Variants in XRCC3 observed in about 807,000 individuals in gnomAD.
The protein encoded by XRCC3 is DNA repair protein XRCC3.
A neutral mutation model predicts 29.2 loss-of-function variants in XRCC3; 34 were observed. The observed-to-expected ratio is 1.16, with a 90% confidence interval of 0.88 to 1.55. XRCC3 has a LOEUF of 1.55. Ranked by LOEUF, XRCC3 falls within the 40% of genes most tolerant of loss-of-function variation. The pLI, the probability that XRCC3 is intolerant of heterozygous loss-of-function variation, is 0.00. For synonymous variants in XRCC3, 223 were observed against 211.3 expected (o/e 1.06, Z -0.48); for missense variants, 463 against 467.6 (o/e 0.99, Z 0.09).
intron 7 of XRCC3, chr14:103,701,227 A>G (rs861536): frequency 0.34 from 528,947 of 1,544,776 alleles, 95,476 homozygotes; most frequent in Middle Eastern, 0.38. Context: ...CCGCTCCAGG[A>G]TGGGACTGCC....
rs539979538 is a variant in XRCC3, at chr14:103,704,013, C to G, written c.407-686G>C. The G allele has an allele frequency of 1.4e-4, 21 of 155,424 alleles. No homozygotes were observed. In the South Asian group the frequency reaches 3.7e-3, roughly 28 times the overall value. 9.6% of individuals were successfully genotyped at this position (155,424 alleles called of 1,614,324 possible). On this transcript the variant is annotated intron_variant, in intron 6 of 9. Coordinates refer to ENST00000555055, the MANE Select transcript of XRCC3 (RefSeq NM_005432.4). ...GATACCCAAGAGAAAGAACGTCCAC[C>G]GTAGCACGTTTCATGACAGCCCGGG...
intron 6 of XRCC3, chr14:103,706,654 G>A: frequency 2.5e-6 from 1 of 404,366 alleles, no homozygotes; most frequent in Non-Finnish European, 4.7e-6. Flanking sequence ...AGGCTGTGCT[G>A]CCCTCCCTGC....
At chr14:103,708,133 C>T (rs1444460314) in intron 5 of XRCC3, 1 of 351,830 alleles carries the variant, frequency 2.8e-6, no homozygotes, top group Non-Finnish European at 5.5e-6. Context: ...CCTCCTTCCC[C>T]TGCTGAGACC....
rs890853307 is a variant in XRCC3 at position 103,699,166 on chromosome 14, A to T, written c.788T>A (p.Met263Lys). Residue 263 changes from methionine (M) to lysine (K), a missense_variant, in exon 9 of 10, where the codon ATG becomes AAG. By Grantham distance (95) the Met-to-Lys change is moderately conservative. Coordinates refer to ENST00000555055, the MANE Select transcript of XRCC3 (RefSeq NM_005432.4). ...CCCGTGTGCTGCGCCCTGCTCCTCC[A>T]TGGCCTCTGTCACCTGGAAGAGCAC... ...VLCINQVTEA[M>K]EEQGAAHGPL... 6.4e-7 allele frequency: 1 copy of T among 1,567,808 alleles called. No individual in the cohort carries two copies. Among genetic ancestry groups the T allele is most frequent in the Non-Finnish European group, 8.6e-7 (1 of 1,159,746 alleles).
intron 2 of XRCC3, chr14:103,712,006 C>T: frequency 2.9e-6 from 1 of 345,192 alleles, no homozygotes; most frequent in South Asian, 2.2e-5. Flanking sequence ...GGGCCGTGGA[C>T]TTGGAGAAGG....
At chr14:103,710,712 A>G in intron 4 of XRCC3, 1 of 327,312 alleles carries the variant, frequency 3.1e-6, no homozygotes, top group Non-Finnish European at 5.8e-6. Flanking sequence ...ACTGCACTCA[A>G]GCCTGGGTGA....
intron 6 of XRCC3, chr14:103,704,015 T>G: frequency 6.4e-6 from 1 of 155,306 alleles, no homozygotes; most frequent in Non-Finnish European, 1.4e-5. Context: ...ACGTCCACCG[T>G]AGCACGTTTC....
In XRCC3 at chr14:103,697,749, G is replaced by A. The variant is rs751125257; in HGVS notation, c.*1049C>T. On this transcript the variant is annotated 3_prime_UTR_variant, in exon 10 of 10. Coordinates refer to ENST00000555055, the MANE Select transcript of XRCC3 (RefSeq NM_005432.4). The stretch of plus-strand genomic sequence containing the variant: ...ACCACTGTGCCCATGGGGAGGCCAC[G>A]CCACTCTGCCTGCTGGGTGGATATT... 17 of 152,378 alleles carry A rather than the reference G, an allele frequency of 1.1e-4. No homozygotes were observed. Among genetic ancestry groups the A allele is most frequent in the Admixed American group, 4.6e-4 (7 of 15,298 alleles). 9.4% of individuals were successfully genotyped at this position (152,378 alleles called of 1,614,324 possible).
At chr14:103,700,914 G>C (rs1233112155) in intron 7 of XRCC3, among the ~76,000 whole-genome samples, 1 of 152,230 alleles carries the variant, frequency 6.6e-6, no homozygotes, top group Non-Finnish European at 1.5e-5. Context: ...CACAGAGTGG[G>C]GGGGTGGGAA....
At position 103,698,711 on chromosome 14, in the gene XRCC3, G is replaced by T; in HGVS notation, c.*87C>A. The T allele has an allele frequency of 1.6e-6, 2 of 1,259,740 alleles. No homozygotes were observed. Among genetic ancestry groups the T allele is most frequent in the South Asian group, 1.3e-5 (1 of 77,504 alleles). 78.0% of individuals were successfully genotyped at this position (1,259,740 alleles called of 1,614,324 possible). On this transcript the variant is annotated 3_prime_UTR_variant, in exon 10 of 10. Transcript: ENST00000555055. ...GTGTCTGAACCAGGCTCCCAGCTGT[G>T]CCACGGCCCAGGCAGACGCGTTTTA...
In XRCC3 at chr14:103,707,229, A is replaced by C. The variant is rs1015863369; in HGVS notation, c.194-14T>G. 5 of 1,548,250 alleles carry C rather than the reference A, an allele frequency of 3.2e-6. No homozygotes were observed. The African/African-American group carries it at 6.9e-5, about 21-fold the overall frequency. On this transcript the variant is annotated splice_polypyrimidine_tract_variant and intron_variant, in intron 5 of 9. Coordinates refer to ENST00000555055, the MANE Select transcript of XRCC3 (RefSeq NM_005432.4). ...GCAGCTGCAGTGCTAAAGGGCAGGGATAGTGTCAGGCCTGACTCTCCTGGG... is the reference window on the plus strand; with the variant it reads ...GCAGCTGCAGTGCTAAAGGGCAGGGCTAGTGTCAGGCCTGACTCTCCTGGG...
chr14:103,710,733 C>G (rs542293167), intron 4 of XRCC3: 2 of 355,756 alleles, frequency 5.6e-6, no homozygotes, highest in Admixed American at 4.4e-5. Context: ...CAGAGCGAGA[C>G]CCCGTCTCCA....
intron 5 of XRCC3, chr14:103,707,580 GGGGTGC>G (rs1476470455): frequency 5.0e-6 from 2 of 402,462 alleles, no homozygotes; most frequent in African/African-American, 4.1e-5. Context: ...GGGATGCCCT[GGGGTGC>G]TGAACAGTTC....
chr14:103,706,419 C>T (rs1212796364), intron 6 of XRCC3: 1 of 456,100 alleles, frequency 2.2e-6, no homozygotes, highest in South Asian at 1.5e-5. Context: ...CGCATGTTGA[C>T]ACCAGGGAAT....
intron 5 of XRCC3, 180 bp from the exon 6 acceptor site, chr14:103,707,395 G>A (rs767445667): frequency 7.0e-5 from 52 of 746,702 alleles, no homozygotes; most frequent in African/African-American, 2.8e-4. Context: ...CGGGAAGGGC[G>A]GGTGCACCTG....
In XRCC3 at chr14:103,707,450, G is replaced by A. The variant is rs2083474865; in HGVS notation, c.194-235C>T. The A allele has an allele frequency of 1.5e-5, 9 of 599,668 alleles. 1 individual carries two copies. Among genetic ancestry groups the A allele is most frequent in the Admixed American group, 1.1e-4 (4 of 36,542 alleles). The allele number at this position is 599,668 out of a possible 1,614,324, so 37.1% of individuals were successfully genotyped here. On this transcript the variant is annotated intron_variant, in intron 5 of 9. Transcript: ENST00000555055. ...GCCCCAGGGCCACCATCACATGCCC[G>A]CAGGGATCCCCCTATGGGGCAATTG...
chr14:103,698,798 T>C lies in XRCC3; in HGVS notation c.1041A>G (p.Ter347TrpextTer60). Residue 347 changes from the stop codon to tryptophan, a stop_lost, in exon 10 of 10, where the codon TGA (stop) becomes TGG (tryptophan). Coordinates refer to ENST00000555055, the MANE Select transcript of XRCC3 (RefSeq NM_005432.4). ...GGGCTGTTGTGCAGCCGCCACCGTG[T>C]CAGTGGGACTGGGTCCCAGGTGTCC... ...VRGTPGTQSH* is the reference protein window; with the variant it reads ...VRGTPGTQSHW The C allele has an allele frequency of 6.3e-7, 1 of 1,593,232 alleles. No individual in the cohort carries two copies.
intron 7 of XRCC3, chr14:103,701,334 C>A: frequency 1.0e-6 from 1 of 960,444 alleles, no homozygotes; most frequent in South Asian, 1.5e-5. Context: ...CGTCTGTGTG[C>A]ATAGGACATG....
chr14:103,704,556 C>A (rs368276899), intron 6 of XRCC3: 1 of 152,074 alleles, frequency 6.6e-6, no homozygotes, highest in South Asian at 2.1e-4. Flanking sequence ...ACAAGGCGTG[C>A]GCTACCACGC....
Sources: allele counts gnomAD v4.1 joint callset (sites outside exome capture counted in the v4.1 genomes callset), GRCh38; gene constraint gnomAD v4.1.1; transcripts MANE v1.5; gene names NCBI Gene and HGNC (gene_info 2026-07-23, HGNC 2026-07-21).